Variants in IQCM observed in about 807,000 individuals in gnomAD.
IQCM encodes IQ motif containing M.
IQCM carries 45 observed loss-of-function variants against 57.6 expected under a neutral mutation model. The observed-to-expected ratio is 0.78, with a 90% CI of 0.62 to 1.00. The LOEUF (loss-of-function observed/expected upper bound fraction) is 1.00. Among genes scored for constraint, IQCM ranks in the 50% least tolerant of loss-of-function variants. IQCM has a pLI of 0.00. For synonymous variants in IQCM, 148 were observed against 158.9 expected (o/e 0.93, Z 0.51); for missense variants, 468 against 511.6 (o/e 0.91, Z 0.82).
At chr4:149,522,030 G>A (rs79312199) in intron 12 of IQCM, among the ~76,000 whole-genome samples, 5 of 152,166 alleles carry the variant, frequency 3.3e-5, no homozygotes, top group Admixed American at 3.3e-4. Context: ...ACAAAAGGCT[G>A]CCAATTCCAG....
intron 3 of IQCM, among the ~76,000 whole-genome samples, chr4:149,736,670 T>C (rs543117279): frequency 2.0e-5 from 3 of 152,092 alleles, no homozygotes; most frequent in Non-Finnish European, 4.4e-5. Flanking sequence ...ACGGCTAAAA[T>C]TGAAAAGACT....
chr4:149,747,584 A>T (rs1352689005), intron 2 of IQCM, among the ~76,000 whole-genome samples: 2 of 152,234 alleles, frequency 1.3e-5, no homozygotes, highest in African/African-American at 4.8e-5. Flanking sequence ...ACATATGTGG[A>T]ATCCACGGAT....
intron 3 of IQCM, 33 bp downstream of exon 3, chr4:149,742,622 C>G: frequency 8.3e-7 from 1 of 1,209,152 alleles, no homozygotes; most frequent in Non-Finnish European, 1.0e-6. Context: ...AGTGTTATGA[C>G]TTGTACTATG....
At chr4:149,739,189 AT>A (rs1380785962) in intron 3 of IQCM, among the ~76,000 whole-genome samples, 13 of 152,090 alleles carry the variant, frequency 8.5e-5, no homozygotes, top group Admixed American at 8.5e-4. Context: ...ATATAGAATG[AT>A]TTTTAAGAGC....
At chr4:149,626,017 G>A (rs903367162) in intron 7 of IQCM, among the ~76,000 whole-genome samples, 3 of 151,992 alleles carry the variant, frequency 2.0e-5, no homozygotes, top group African/African-American at 7.2e-5. Flanking sequence ...GGTTAATAAT[G>A]AGTGTCAACT....
intron 13 of IQCM, among the ~76,000 whole-genome samples, chr4:149,396,175 G>A (rs948303845): frequency 2.6e-5 from 4 of 151,264 alleles, no homozygotes; most frequent in Non-Finnish European, 4.4e-5. Context: ...TGCATCATCA[G>A]GTGGTCAATT....
At chr4:149,414,578 T>C (rs149051635) in intron 13 of IQCM, among the ~76,000 whole-genome samples, 391 of 152,266 alleles carry the variant, frequency 2.6e-3, no homozygotes, top group Admixed American at 0.01. Flanking sequence ...GTCCTTACGA[T>C]AAAAATTTAA....
At chr4:149,648,754 G>A (rs910542449) in intron 7 of IQCM, among the ~76,000 whole-genome samples, 3 of 152,050 alleles carry the variant, frequency 2.0e-5, no homozygotes, top group Non-Finnish European at 2.9e-5. Context: ...GTTGTGGGGT[G>A]GGGGGAGAAG....
intron 13 of IQCM, among the ~76,000 whole-genome samples, chr4:149,384,273 A>C (rs376007338): frequency 6.6e-6 from 1 of 152,128 alleles, no homozygotes; most frequent in African/African-American, 2.4e-5. Flanking sequence ...ACCCCAAAAC[A>C]TGTTACTTTG....
chr4:149,532,174 G>A (rs1053728608), intron 12 of IQCM, among the ~76,000 whole-genome samples: 1 of 151,878 alleles, frequency 6.6e-6, no homozygotes, highest in Non-Finnish European at 1.5e-5. Flanking sequence ...ATACAGTCTC[G>A]GTATACATGA....
At chr4:149,784,992 G>C (rs992365998) in intron 2 of IQCM, among the ~76,000 whole-genome samples, 1 of 152,114 alleles carries the variant, frequency 6.6e-6, no homozygotes, top group Non-Finnish European at 1.5e-5. Context: ...TGACACTGAA[G>C]AAATTAGAGG....
intron 7 of IQCM, among the ~76,000 whole-genome samples, chr4:149,622,330 A>G (rs1043939211): frequency 6.7e-6 from 1 of 149,674 alleles, no homozygotes; most frequent in Non-Finnish European, 1.5e-5. Flanking sequence ...TCCAATGTGA[A>G]TCAGTGGAAT....
intron 13 of IQCM, among the ~76,000 whole-genome samples, chr4:149,395,845 G>T (rs968780774): frequency 7.9e-5 from 12 of 151,892 alleles, no homozygotes; most frequent in African/African-American, 2.9e-4. Flanking sequence ...TTGTAACCCT[G>T]AAAACACTAA....
chr4:149,659,163 G>GT (rs145756623), intron 7 of IQCM, among the ~76,000 whole-genome samples: 32,100 of 151,616 alleles, frequency 0.21, 4,235 homozygotes, highest in Non-Finnish European at 0.28. Flanking sequence ...TTTTTGAAGG[G>GT]TTTTTTGTGT....
At chr4:149,695,517 T>G (rs1228345974) in intron 5 of IQCM, among the ~76,000 whole-genome samples, 1 of 152,180 alleles carries the variant, frequency 6.6e-6, no homozygotes, top group East Asian at 1.9e-4. Flanking sequence ...ATTGAGGTAA[T>G]AAATGCAGAC....
At chr4:149,402,424 C>A (rs1732679450) in intron 13 of IQCM, among the ~76,000 whole-genome samples, 1 of 151,580 alleles carries the variant, frequency 6.6e-6, no homozygotes, top group Non-Finnish European at 1.5e-5. Flanking sequence ...GGTTATAAAC[C>A]ATTTTGGTGG....
chr4:149,775,426 C>CA (rs1771001984), intron 2 of IQCM, among the ~76,000 whole-genome samples: 2 of 151,944 alleles, frequency 1.3e-5, no homozygotes, highest in African/African-American at 2.4e-5. Context: ...GATTAAGAGA[C>CA]AAAAAATAAA....
chr4:149,642,697 T>C (rs1758299230), intron 7 of IQCM, among the ~76,000 whole-genome samples: 1 of 152,174 alleles, frequency 6.6e-6, no homozygotes, highest in Admixed American at 6.5e-5. Flanking sequence ...TTCCAGTACA[T>C]TAAATTTGAG....
At chr4:149,481,433 T>C (rs968451357) in intron 12 of IQCM, among the ~76,000 whole-genome samples, 1 of 152,078 alleles carries the variant, frequency 6.6e-6, no homozygotes, top group African/African-American at 2.4e-5. Context: ...TATTTTTGTA[T>C]AGAGCAAGTA....
Sources: allele counts gnomAD v4.1 joint callset (sites outside exome capture counted in the v4.1 genomes callset), GRCh38; gene constraint gnomAD v4.1.1; transcripts MANE v1.5; gene names NCBI Gene and HGNC (gene_info 2026-07-23, HGNC 2026-07-21).